The following UTY variants were observed in gnomAD, a reference collection of about 807,000 sequenced individuals.
UTY encodes the protein ubiquitously transcribed tetratricopeptide repeat containing, Y-linked, also known as histone demethylase UTY.
UTY carries 12 observed loss-of-function variants against 32.5 expected under a neutral mutation model. That is an observed-to-expected ratio of 0.37 (90% CI 0.24 to 0.60). The LOEUF is 0.60. Ranked by LOEUF, UTY falls within the 20% of genes least tolerant of loss-of-function variation. UTY has a pLI of 0.69. For missense variants in UTY, 303 were observed against 299.2 expected (o/e 1.01, Z -0.09); for synonymous variants, 131 against 103.4 (o/e 1.27, Z -1.62).
intron 10 of UTY, among the ~76,000 whole-genome samples, chrY:13,362,184 T>C (rs2063619893): frequency 3.0e-5 from 1 of 33,533 alleles, no homozygotes; most frequent in Non-Finnish European, 7.4e-5. Flanking sequence ...CACCAAAAAC[T>C]TTCCCTTTAA....
intron 27 of UTY, chrY:13,286,668 C>T (rs1041238973): frequency 3.7e-5 from 14 of 373,550 alleles, no homozygotes; most frequent in African/African-American, 6.4e-5. Flanking sequence ...TGGTTTTGAC[C>T]GCCACATTAC....
intron 8 of UTY, among the ~76,000 whole-genome samples, chrY:13,390,784 G>T (rs2067475663): frequency 3.0e-5 from 1 of 33,167 alleles, no homozygotes; most frequent in Non-Finnish European, 7.5e-5. Flanking sequence ...TATTTAACTG[G>T]CTACTGAAAG....
intron 21 of UTY, among the ~76,000 whole-genome samples, chrY:13,309,606 A>G (rs771388763): frequency 3.1e-5 from 1 of 32,736 alleles, no homozygotes; most frequent in Admixed American, 2.8e-4. Flanking sequence ...AAAAACCAAA[A>G]AAACAAAACA....
chrY:13,243,525 C>T, downstream of UTY, among the ~76,000 whole-genome samples: 1 of 32,773 alleles, frequency 3.1e-5, no homozygotes, highest in African/African-American at 1.2e-4. Flanking sequence ...GAACAGACAA[C>T]CCACAGAAGG....
chrY:13,312,941 C>T (rs2059274635), intron 21 of UTY, among the ~76,000 whole-genome samples: 2 of 33,092 alleles, frequency 6.0e-5, no homozygotes, highest in South Asian at 6.8e-4. Context: ...AAGGCTTATA[C>T]GCTGTTCATG....
chrY:13,335,794 G>A lies in UTY; in HGVS notation c.2603C>T (p.Ser868Phe), dbSNP rs771151619. 2.5e-6 allele frequency: 1 copy of A among 399,069 alleles called. No individual in the cohort carries two copies. The change falls in exon 18 of 30, where the codon TCC becomes TTC. Residue 868 changes from serine to phenylalanine, a missense_variant. Coordinates refer to ENST00000545955, the MANE Select transcript of UTY (RefSeq NM_001258249.2). ...GGATTTAGGAGAAGGTGTTGCTGTGGAAATGGCTGAAGAGGGTGAAGAGGC... is the reference window on the plus strand; with the variant it reads ...GGATTTAGGAGAAGGTGTTGCTGTGAAAATGGCTGAAGAGGGTGAAGAGGC... ...SVASSPSSAISTATPSPKSTE... is the reference protein window; with the variant it reads ...SVASSPSSAIFTATPSPKSTE...
chrY:13,357,772 A>T, intron 15 of UTY, 105 bp downstream of exon 15: 1 of 190,463 alleles, frequency 5.3e-6, no homozygotes, highest in African/African-American at 8.5e-5. Context: ...TTTTAATTAT[A>T]TTCATATTAA....
At chrY:13,284,560 T>C (rs972753544) in intron 27 of UTY, among the ~76,000 whole-genome samples, 7 of 34,037 alleles carry the variant, frequency 2.1e-4, no homozygotes, top group African/African-American at 3.4e-4. Context: ...ATTGGATAAA[T>C]ATGTCTACAA....
intron 8 of UTY, among the ~76,000 whole-genome samples, chrY:13,371,046 G>C (rs944077219): frequency 3.1e-5 from 1 of 32,320 alleles, no homozygotes; most frequent in Non-Finnish European, 7.5e-5. Context: ...GACAGAATGA[G>C]AGCCTGTCTC....
chrY:13,247,190 C>T (rs2053959643), downstream of UTY, among the ~76,000 whole-genome samples: 1 of 32,580 alleles, frequency 3.1e-5, no homozygotes, highest in Non-Finnish European at 7.5e-5. Flanking sequence ...AAAAGGACAA[C>T]AAAAAGAATC....
At chrY:13,427,526 A>T (rs2073470069) in intron 4 of UTY, among the ~76,000 whole-genome samples, 4 of 33,660 alleles carry the variant, frequency 1.2e-4, no homozygotes, top group Admixed American at 1.1e-3. Flanking sequence ...ATGGAAAACA[A>T]GGAGGCAAGA....
rs774903488 is a variant in UTY, at chrY:13,436,967, G to GAC, written c.375+12048_375+12049dup. ...GAGAAGGAAACTAGGAAGCAAAAGA[G>GAC]ACACACACACACACACACACACACA... On this transcript the variant is annotated intron_variant, in intron 4 of 29. Coordinates refer to ENST00000545955, the MANE Select transcript of UTY (RefSeq NM_001258249.2). 0.055 allele frequency among the ~76,000 whole-genome samples: 1,323 copies of GAC among 24,093 alleles called. No individual in the cohort carries two copies. The Middle Eastern group carries it at 0.55, about 10-fold the overall frequency. The allele number at this position is 24,093 out of a possible 37,273, so 64.6% of individuals were successfully genotyped here. A position where few individuals can be genotyped will look rare whatever the true frequency, so the allele number is the denominator to read the frequency against.
At chrY:13,369,492 T>A (rs9341277) in intron 8 of UTY, 143 bp from the exon 9 acceptor site, 1 of 60,053 alleles carries the variant, frequency 1.7e-5, no homozygotes. Flanking sequence ...ATATTAAAAA[T>A]TATAAATGTG....
rs757184376 is a variant in UTY at position 13,396,979 on chromosome Y, G to C, written c.556-7C>G. 5.7e-6 allele frequency: 2 copies of C among 349,740 alleles called. No individual in the cohort carries two copies. Among genetic ancestry groups the C allele is most frequent in the Admixed American group, 1.0e-4 (1 of 9,535 alleles). 87.2% of individuals were successfully genotyped at this position (349,740 alleles called of 400,897 possible). A position where few individuals can be genotyped will look rare whatever the true frequency, so the allele number is the denominator to read the frequency against. On this transcript the variant is annotated splice_polypyrimidine_tract_variant and splice_region_variant and intron_variant, in intron 6 of 29. Coordinates refer to ENST00000545955, the MANE Select transcript of UTY (RefSeq NM_001258249.2). ...TCAAGGCTAACTGAAAATGCTGCAA[G>C]AGAAAAGTAAAAATATTAATGCACT...
chrY:13,426,821 T>TA (rs2073352733), intron 4 of UTY, among the ~76,000 whole-genome samples: 2 of 28,384 alleles, frequency 7.0e-5, no homozygotes, highest in South Asian at 7.4e-4. Flanking sequence ...CTTAAATGCT[T>TA]AAAAAAAAAA....
chrY:13,351,682 A>G (rs2062408595), intron 17 of UTY, among the ~76,000 whole-genome samples: 1 of 33,876 alleles, frequency 3.0e-5, no homozygotes, highest in African/African-American at 1.2e-4. Flanking sequence ...ATGGCATGCA[A>G]TTTAAAATGT....
chrY:13,463,560 T>C (rs2077625195), intron 3 of UTY, among the ~76,000 whole-genome samples: 2 of 33,761 alleles, frequency 5.9e-5, no homozygotes, highest in Non-Finnish European at 1.5e-4. Flanking sequence ...CTCATCAAGG[T>C]CATCAGGGTC....
intron 27 of UTY, among the ~76,000 whole-genome samples, chrY:13,282,787 C>T (rs2057100416): frequency 5.9e-5 from 2 of 34,085 alleles, no homozygotes. Context: ...TTTCTTGGTT[C>T]CCTGACCGGG....
At chrY:13,415,181 T>C (rs2149698781) in intron 4 of UTY, among the ~76,000 whole-genome samples, 1 of 33,198 alleles carries the variant, frequency 3.0e-5, no homozygotes, top group Non-Finnish European at 7.4e-5. Context: ...AATTCATTTG[T>C]TTTATATATA....
Sources: allele counts gnomAD v4.1 joint callset (sites outside exome capture counted in the v4.1 genomes callset), GRCh38; gene constraint gnomAD v4.1.1; transcripts MANE v1.5; gene names NCBI Gene and HGNC (gene_info 2026-07-23, HGNC 2026-07-21).